FOXP2: variants seen among roughly 807,000 people sequenced by gnomAD.
FOXP2 encodes forkhead box P2.
In FOXP2, 12 loss-of-function variants were observed where a neutral mutation model predicts 115.8. That is an observed-to-expected ratio of 0.10 (90% CI 0.07 to 0.17). The LOEUF is 0.17. Among genes scored for constraint, FOXP2 ranks in the 10% least tolerant of loss-of-function variants. FOXP2 has a pLI of 1.00. For missense variants in FOXP2, 629 were observed against 843.5 expected (o/e 0.75, Z 3.15); for synonymous variants, 328 against 297.7 (o/e 1.10, Z -1.05).
At chr7:114,176,235 T>TCC (rs1167371147) in intron 1 of FOXP2, among the ~76,000 whole-genome samples, 165 of 149,280 alleles carry the variant, frequency 1.1e-3, no homozygotes, top group African/African-American at 3.8e-3. Context: ...TCTTGTCTTT[T>TCC]CTTTCTTTCT....
intron 2 of FOXP2, among the ~76,000 whole-genome samples, chr7:114,336,733 TC>T (rs1797862645): frequency 6.6e-6 from 1 of 151,470 alleles, no homozygotes; most frequent in South Asian, 2.1e-4. Context: ...TATTCATAAA[TC>T]TGTACTGTAG....
chr7:114,380,982 G>A (rs1792276282), intron 2 of FOXP2, among the ~76,000 whole-genome samples: 1 of 152,198 alleles, frequency 6.6e-6, no homozygotes, highest in African/African-American at 2.4e-5. Context: ...GCTTAACACT[G>A]GGACTTGGGT....
chr7:114,171,673 A>G (rs1793143811), intron 1 of FOXP2, among the ~76,000 whole-genome samples: 1 of 152,218 alleles, frequency 6.6e-6, no homozygotes, highest in African/African-American at 2.4e-5. Context: ...CATCCATTCC[A>G]TAGCGCACAG....
At chr7:114,560,587 G>C (rs1410828574) in intron 3 of FOXP2, among the ~76,000 whole-genome samples, 1 of 152,134 alleles carries the variant, frequency 6.6e-6, no homozygotes, top group Non-Finnish European at 1.5e-5. Flanking sequence ...CTGCACACCA[G>C]CCTGGGTGAC....
At chr7:114,125,156 T>G in intron 1 of FOXP2, among the ~76,000 whole-genome samples, 1 of 152,218 alleles carries the variant, frequency 6.6e-6, no homozygotes, top group East Asian at 1.9e-4. Flanking sequence ...ATTTTATTTT[T>G]TAACCACCTG....
At chr7:114,419,693 A>T (rs1257495926) in intron 1 of FOXP2, 1 of 150,004 alleles carries the variant, frequency 6.7e-6, no homozygotes. Context: ...CCTCTGTGAC[A>T]GGTCGCTTAC....
In FOXP2 at chr7:114,693,064, A is replaced by G. The variant is rs777517694; in HGVS notation, c.*3138A>G. The G allele has an allele frequency of 6.6e-6, 3 of 453,836 alleles. No individual in the cohort carries two copies. The highest frequency in any genetic ancestry group is 1.3e-5 in the Non-Finnish European group (3 of 226,680). 28.1% of individuals were successfully genotyped at this position (453,836 alleles called of 1,614,324 possible). A position where few individuals can be genotyped will look rare whatever the true frequency, so the allele number is the denominator to read the frequency against. On this transcript the variant is annotated 3_prime_UTR_variant, in exon 17 of 17. Transcript: ENST00000350908. ...ATTTTATTTTACATAGTTTTAGTCTACAAAGACACAATTGCTTAAACCTAG... is the reference window on the plus strand; with the variant it reads ...ATTTTATTTTACATAGTTTTAGTCTGCAAAGACACAATTGCTTAAACCTAG...
intron 2 of FOXP2, among the ~76,000 whole-genome samples, chr7:114,331,755 C>G (rs1797721668): frequency 6.6e-6 from 1 of 151,660 alleles, no homozygotes; most frequent in Admixed American, 6.6e-5. Flanking sequence ...GCAGCTTCTG[C>G]CTCCCGGGTT....
chr7:114,373,163 T>G (rs1182330914), intron 2 of FOXP2, among the ~76,000 whole-genome samples: 8 of 151,972 alleles, frequency 5.3e-5, no homozygotes, highest in African/African-American at 1.2e-4. Context: ...AGGCTAATTT[T>G]TTTGTTTGTT....
intron 2 of FOXP2, among the ~76,000 whole-genome samples, chr7:114,310,729 A>C (rs1416390288): frequency 6.6e-6 from 1 of 151,996 alleles, no homozygotes; most frequent in Non-Finnish European, 1.5e-5. Context: ...AAAGGGGTGA[A>C]ATTACACATC....
At chr7:114,179,769 A>C (rs1793410233) in intron 1 of FOXP2, among the ~76,000 whole-genome samples, 1 of 152,096 alleles carries the variant, frequency 6.6e-6, no homozygotes, top group Middle Eastern at 3.4e-3. Flanking sequence ...CATAAAGAGC[A>C]AACCAAAAAA....
chr7:114,321,482 G>A (rs1214962137), intron 2 of FOXP2, among the ~76,000 whole-genome samples: 2 of 152,088 alleles, frequency 1.3e-5, no homozygotes, highest in East Asian at 1.9e-4. Context: ...ACAGGTGTGA[G>A]CCACCTGGCC....
chr7:114,114,258 T>TGC (rs1791346441), intron 1 of FOXP2, among the ~76,000 whole-genome samples: 1 of 150,812 alleles, frequency 6.6e-6, no homozygotes, highest in South Asian at 2.1e-4. Context: ...TATACATATA[T>TGC]GTGTATATAC....
At chr7:114,642,805 TATA>T (rs1290074810) in intron 7 of FOXP2, among the ~76,000 whole-genome samples, 182 bp downstream of exon 7, 1,900 of 29,550 alleles carry the variant, frequency 0.064, 64 homozygotes, top group Non-Finnish European at 0.12. Context: ...TATATATATA[TATA>T]TATATTTTTT....
intron 1 of FOXP2, among the ~76,000 whole-genome samples, chr7:114,150,910 T>C (rs541753470): frequency 6.6e-6 from 1 of 152,162 alleles, no homozygotes; most frequent in East Asian, 1.9e-4. Context: ...ACATTTAAAA[T>C]ACTGTCTAAA....
intron 2 of FOXP2, among the ~76,000 whole-genome samples, chr7:114,361,334 T>A (rs934390326): frequency 8.5e-5 from 13 of 152,180 alleles, no homozygotes; most frequent in Non-Finnish European, 1.3e-4. Flanking sequence ...GGACTTAAAT[T>A]CTTCTAACCA....
At chr7:114,526,853 T>A (rs1798900823) in intron 2 of FOXP2, among the ~76,000 whole-genome samples, 1 of 152,204 alleles carries the variant, frequency 6.6e-6, no homozygotes. Context: ...AGGGAGTTTT[T>A]AGCATATTCA....
intron 1 of FOXP2, among the ~76,000 whole-genome samples, chr7:114,204,333 T>C (rs970495357): frequency 6.6e-6 from 1 of 152,182 alleles, no homozygotes; most frequent in African/African-American, 2.4e-5. Context: ...TAGTTGACAT[T>C]TGTAGCTCAA....
intron 1 of FOXP2, among the ~76,000 whole-genome samples, chr7:114,275,920 G>GT (rs1198642783): frequency 6.6e-6 from 1 of 152,154 alleles, no homozygotes; most frequent in African/African-American, 2.4e-5. Flanking sequence ...GTGTTTTTCA[G>GT]TTTTTTCTCC....
Sources: allele counts gnomAD v4.1 joint callset (sites outside exome capture counted in the v4.1 genomes callset), GRCh38; gene constraint gnomAD v4.1.1; transcripts MANE v1.5; gene names NCBI Gene and HGNC (gene_info 2026-07-23, HGNC 2026-07-21).